TBC1D8: variants seen among roughly 807,000 people sequenced by gnomAD.
TBC1D8 encodes TBC1 domain family member 8.
Under a neutral mutation model 118.8 loss-of-function variants are expected in TBC1D8, and 65 were observed. That is an observed-to-expected ratio of 0.55 (90% confidence interval 0.45 to 0.67). TBC1D8 has a LOEUF of 0.67. TBC1D8 is among the 30% of genes least tolerant of loss of function. The probability of loss-of-function intolerance (pLI) is 0.00; values close to 1 mark genes in which losing one functional copy is unlikely to be tolerated. For synonymous variants in TBC1D8, 566 were observed against 595.8 expected (o/e 0.95, Z 0.73); for missense variants, 1,376 against 1,471.2 (o/e 0.94, Z 1.06).
At chr2:101,017,667 T>A (rs1319538764) in intron 17 of TBC1D8, among the ~76,000 whole-genome samples, 4 of 152,212 alleles carry the variant, frequency 2.6e-5, no homozygotes, top group Non-Finnish European at 5.9e-5. Context: ...GTATTTCCAA[T>A]TGTACTACAC....
chr2:101,103,334 T>C (rs1345335797), intron 1 of TBC1D8, among the ~76,000 whole-genome samples: 1 of 144,978 alleles, frequency 6.9e-6, no homozygotes, highest in Non-Finnish European at 1.5e-5. Context: ...AAAAAAAAAC[T>C]TGGAAGGGGG....
Position 101,037,705 on chromosome 2 carries a change from A to T in TBC1D8, c.1279T>A (p.Ser427Thr), listed in dbSNP as rs775025437. The change falls in exon 8 of 20, where the codon TCA (serine) becomes ACA (threonine). Residue 427 changes from serine to threonine, a missense_variant. Ser to Thr is a moderately conservative substitution (Grantham distance 58). Coordinates refer to ENST00000409318, the MANE Select transcript of TBC1D8 (RefSeq NM_001330348.2). ...YDTSADDDMA[S>T]LVFHSTSMCS... ...ATGCTTGTTGAATGAAACACGAGTGAAGCCTGCACAGCAAGAGAGACAGAG... is the reference window on the plus strand; with the variant it reads ...ATGCTTGTTGAATGAAACACGAGTGTAGCCTGCACAGCAAGAGAGACAGAG... The T allele has an allele frequency of 1.2e-6, 2 of 1,612,950 alleles. No homozygotes were observed. The highest frequency in any genetic ancestry group is 4.5e-5 in the East Asian group (2 of 44,886).
At chr2:101,076,227 G>A (rs1458536623) in intron 2 of TBC1D8, among the ~76,000 whole-genome samples, 1 of 152,166 alleles carries the variant, frequency 6.6e-6, no homozygotes, top group Non-Finnish European at 1.5e-5. Flanking sequence ...CAAGCAGACA[G>A]TTGTAAAAGG....
At chr2:101,148,099 A>C (rs2104290521) in intron 1 of TBC1D8, among the ~76,000 whole-genome samples, 1 of 152,306 alleles carries the variant, frequency 6.6e-6, no homozygotes, top group African/African-American at 2.4e-5. Flanking sequence ...CCACCAGAGA[A>C]GTTAGTGTGA....
At chr2:101,068,608 A>G (rs1396906497) in intron 2 of TBC1D8, 2 of 542,950 alleles carry the variant, frequency 3.7e-6, no homozygotes, top group South Asian at 3.6e-5. Context: ...CACAGGATAC[A>G]ATTCGCCAAC....
intron 18 of TBC1D8, 130 bp downstream of exon 18, chr2:101,011,321 G>A: frequency 3.0e-6 from 3 of 997,946 alleles, no homozygotes; most frequent in African/African-American, 1.6e-5. Context: ...AAGGCAGTGA[G>A]TTTGGGGATA....
intron 17 of TBC1D8, among the ~76,000 whole-genome samples, chr2:101,016,958 G>A (rs1236381178): frequency 6.6e-6 from 1 of 151,948 alleles, no homozygotes; most frequent in African/African-American, 2.4e-5. Flanking sequence ...ATAGCATTAG[G>A]AGATATACCT....
chr2:101,038,972 G>C (rs1002192584), intron 6 of TBC1D8, among the ~76,000 whole-genome samples: 1 of 152,228 alleles, frequency 6.6e-6, no homozygotes, highest in Admixed American at 6.5e-5. Flanking sequence ...AACAAGGCCA[G>C]TCACAAATAT....
At chr2:101,043,447 A>G (rs1681510291) in intron 5 of TBC1D8, among the ~76,000 whole-genome samples, 1 of 152,128 alleles carries the variant, frequency 6.6e-6, no homozygotes, top group Admixed American at 6.5e-5. Context: ...TATCTCACAA[A>G]CGTGGTTCTA....
At chr2:101,126,499 A>G (rs961902475) in intron 1 of TBC1D8, among the ~76,000 whole-genome samples, 3 of 152,234 alleles carry the variant, frequency 2.0e-5, no homozygotes, top group African/African-American at 7.2e-5. Context: ...AAGAAAAGAC[A>G]GATACCAGGG....
Position 101,007,850 on chromosome 2 carries a change from G to A in TBC1D8, c.3439C>T (p.Gln1147Ter). The change falls in exon 20 of 20, where the codon CAA becomes TAA. Residue 1147 changes from glutamine (Q) to a stop codon, truncating the protein, a stop_gained. Transcript: ENST00000409318. LOFTEE classifies it high-confidence loss of function. ...LKTFEMSHQS[Q>*]SELKLSNL ...AAGTTACTCAGCTTAAGTTCAGATT[G>A]TGATTGGTGGCTCATTTCAAAAGTT... 3.7e-6 allele frequency: 6 copies of A among 1,613,240 alleles called. No individual in the cohort carries two copies. The highest frequency in any genetic ancestry group is 2.2e-5 in the East Asian group (1 of 44,892).
At chr2:101,143,248 A>G (rs1558731947) in intron 1 of TBC1D8, among the ~76,000 whole-genome samples, 1 of 151,906 alleles carries the variant, frequency 6.6e-6, no homozygotes, top group African/African-American at 2.4e-5. Context: ...TTTTTAGTAG[A>G]GATGGGGTTT....
At chr2:101,040,722 G>A (rs1224964743) in intron 5 of TBC1D8, among the ~76,000 whole-genome samples, 1 of 151,988 alleles carries the variant, frequency 6.6e-6, no homozygotes, top group African/African-American at 2.4e-5. Context: ...CACCCACCTC[G>A]GCCTCCCAAA....
At chr2:101,028,725 C>T (rs1680499380) in intron 12 of TBC1D8, among the ~76,000 whole-genome samples, 2 of 152,092 alleles carry the variant, frequency 1.3e-5, no homozygotes, top group Non-Finnish European at 2.9e-5. Context: ...AAAGAGAACC[C>T]CCTCTTTCAA....
At chr2:101,015,692 C>T (rs1434009187) in intron 17 of TBC1D8, among the ~76,000 whole-genome samples, 1 of 152,152 alleles carries the variant, frequency 6.6e-6, no homozygotes, top group Non-Finnish European at 1.5e-5. Flanking sequence ...GCTACAGTAA[C>T]CAAAACAGCA....
At chr2:101,009,133 C>T (rs928532110) in intron 19 of TBC1D8, among the ~76,000 whole-genome samples, 5 of 152,140 alleles carry the variant, frequency 3.3e-5, no homozygotes, top group South Asian at 2.1e-4. Flanking sequence ...GTGGCTCATG[C>T]CTGTAATCCC....
At chr2:101,076,946 T>A (rs940320711) in intron 2 of TBC1D8, among the ~76,000 whole-genome samples, 1 of 152,198 alleles carries the variant, frequency 6.6e-6, no homozygotes, top group Admixed American at 6.5e-5. Flanking sequence ...CTTCCAATCA[T>A]GCTGGAAGGC....
intron 17 of TBC1D8, among the ~76,000 whole-genome samples, chr2:101,020,387 GA>G (rs781590440): frequency 1.6e-4 from 25 of 152,102 alleles, no homozygotes; most frequent in Non-Finnish European, 3.7e-4. Context: ...TATGTTAATA[GA>G]AAAACATTTG....
rs1474291960 is a variant in TBC1D8, at chr2:101,050,582, G to T, written c.691C>A (p.Leu231Met). The change falls in exon 5 of 20, where the codon CTG becomes ATG. Residue 231 changes from leucine to methionine, a missense_variant. Leu to Met is a conservative substitution (Grantham distance 15). Coordinates refer to ENST00000409318, the MANE Select transcript of TBC1D8 (RefSeq NM_001330348.2). ...GTGGTGATTCGGATGGTATCCGTCA[G>T]AAAGACATTGGACGTTCTTTCTAAT... is the stretch of plus-strand genomic sequence containing the variant. ...QKLERTSNVF[L>M]TDTIRITTQN... 1.9e-5 allele frequency: 30 copies of T among 1,613,882 alleles called. No homozygotes were observed. In the Middle Eastern group the frequency reaches 4.9e-4, roughly 27 times the overall value.
Sources: gnomAD v4.1 joint callset for allele counts (sites outside exome capture counted in the v4.1 genomes callset) on GRCh38, gnomAD v4.1.1 for gene constraint, MANE v1.5 for transcripts, NCBI Gene and HGNC (gene_info 2026-07-23, HGNC 2026-07-21) for gene names.